Variants in ANK1 observed in about 807,000 individuals in gnomAD.
ANK1 encodes the protein ankyrin 1, also known as ankyrin-1.
A neutral mutation model predicts 210.4 loss-of-function variants in ANK1; 51 were observed. The ratio of observed to expected loss-of-function variants is 0.24; its 90% CI spans 0.19 to 0.31. The LOEUF is 0.31. Ranked by LOEUF, ANK1 falls within the 10% of genes least tolerant of loss-of-function variation. The pLI is 1.00. For synonymous variants in ANK1, 967 were observed against 1,025.9 expected, an observed-to-expected ratio of 0.94 and a Z score of 1.10; for missense variants, 2,051 against 2,504.4, an observed-to-expected ratio of 0.82 and a Z score of 3.86.
At chr8:41,748,733 C>A (rs1253980411) in intron 2 of ANK1, among the ~76,000 whole-genome samples, 1 of 152,132 alleles carries the variant, frequency 6.6e-6, no homozygotes, top group Non-Finnish European at 1.5e-5. Flanking sequence ...TAGAACAGCT[C>A]AAAAAATATT....
intron 23 of ANK1, among the ~76,000 whole-genome samples, 179 bp downstream of exon 23, chr8:41,699,273 C>T (rs541963712): frequency 3.9e-5 from 6 of 152,248 alleles, no homozygotes; most frequent in Non-Finnish European, 7.4e-5. Context: ...GGGAGGCCTC[C>T]GCCTGCCCTA....
intron 2 of ANK1, among the ~76,000 whole-genome samples, chr8:41,739,539 T>TTTTTTTTTTG (rs1834223050): frequency 8.7e-6 from 1 of 114,458 alleles, no homozygotes; most frequent in Non-Finnish European, 1.8e-5. Flanking sequence ...TTTTTTTTTT[T>TTTTTTTTTTG]GGTGTGTGAT....
At chr8:41,757,478 T>C (rs1417024041) in intron 2 of ANK1, among the ~76,000 whole-genome samples, 1 of 152,176 alleles carries the variant, frequency 6.6e-6, no homozygotes, top group Non-Finnish European at 1.5e-5. Context: ...CCAAACACAT[T>C]TTGTTTCCTC....
chr8:41,703,443 T>TATATATATATATATATATATAC (rs1563491887), intron 20 of ANK1, among the ~76,000 whole-genome samples: 16 of 71,268 alleles, frequency 2.2e-4, no homozygotes, highest in Non-Finnish European at 3.6e-4. Flanking sequence ...TATATATATA[T>TATATATATATATATATATATAC]ATATATATTT....
At chr8:41,691,488 G>A (rs1349488527) in intron 31 of ANK1, among the ~76,000 whole-genome samples, 1 of 152,146 alleles carries the variant, frequency 6.6e-6, no homozygotes, top group East Asian at 1.9e-4. Flanking sequence ...GCCTTCCCCA[G>A]GAAAACTCAG....
chr8:41,792,342 C>T (rs1490110903), intron 1 of ANK1, among the ~76,000 whole-genome samples: 3 of 152,206 alleles, frequency 2.0e-5, no homozygotes, highest in Admixed American at 6.5e-5. Flanking sequence ...GGGTGTCAGG[C>T]TGTAACCACC....
chr8:41,726,326 T>G (rs930358975), intron 5 of ANK1, among the ~76,000 whole-genome samples: 75 of 152,164 alleles, frequency 4.9e-4, no homozygotes, highest in African/African-American at 1.8e-3. Context: ...AGAACATTAC[T>G]AACACCGACC....
At chr8:41,798,772 TG>T (rs566330754), upstream of ANK1, among the ~76,000 whole-genome samples, 17 of 152,222 alleles carry the variant, frequency 1.1e-4, no homozygotes, top group East Asian at 3.3e-3. Flanking sequence ...GTGTCACCGC[TG>T]GGGGCCTCTG....
intron 1 of ANK1, among the ~76,000 whole-genome samples, chr8:41,873,963 A>C (rs1816068521): frequency 6.6e-6 from 1 of 152,210 alleles, no homozygotes; most frequent in South Asian, 2.1e-4. Flanking sequence ...CCCTACACAC[A>C]CAAACGCACA....
intron 1 of ANK1, among the ~76,000 whole-genome samples, chr8:41,805,612 G>C (rs1417826567): frequency 2.0e-5 from 3 of 152,096 alleles, no homozygotes; most frequent in Non-Finnish European, 4.4e-5. Context: ...AATTAAAACT[G>C]AGAGTTTCTA....
chr8:41,767,500 C>G (rs1240207913), intron 1 of ANK1, among the ~76,000 whole-genome samples: 1 of 151,136 alleles, frequency 6.6e-6, no homozygotes, highest in African/African-American at 2.4e-5. Flanking sequence ...CAGGCGCCCT[C>G]CACTCGCCCC....
At chr8:41,821,037 A>G (rs1804178620) in intron 1 of ANK1, among the ~76,000 whole-genome samples, 1 of 152,202 alleles carries the variant, frequency 6.6e-6, no homozygotes, top group African/African-American at 2.4e-5. Flanking sequence ...TCCTTTACAG[A>G]TGCAAATTTC....
At chr8:41,751,553 G>A (rs1471207832) in intron 2 of ANK1, among the ~76,000 whole-genome samples, 1 of 152,216 alleles carries the variant, frequency 6.6e-6, no homozygotes, top group African/African-American at 2.4e-5. Flanking sequence ...GGCTGCTCTA[G>A]CTGGAAGAAT....
chr8:41,677,404 T>C (rs913044818), intron 37 of ANK1, among the ~76,000 whole-genome samples: 1 of 152,162 alleles, frequency 6.6e-6, no homozygotes, highest in African/African-American at 2.4e-5. Context: ...TTTAATTTAC[T>C]CTTCTTTTTC....
chr8:41,703,459 T>G (rs1823607224), intron 20 of ANK1, among the ~76,000 whole-genome samples: 1 of 131,708 alleles, frequency 7.6e-6, no homozygotes, highest in African/African-American at 3.0e-5. Flanking sequence ...TATTTTTTTT[T>G]TTTTTTTAAG....
At chr8:41,717,532 G>T (rs1364101288) in intron 12 of ANK1, 72 bp downstream of exon 12, 2 of 1,344,264 alleles carry the variant, frequency 1.5e-6, no homozygotes, top group Non-Finnish European at 2.1e-6. Flanking sequence ...AGTAGGACTG[G>T]GAGCACTGGT....
chr8:41,739,490 C>G (rs999266827), intron 2 of ANK1, among the ~76,000 whole-genome samples: 2 of 144,826 alleles, frequency 1.4e-5, no homozygotes, highest in South Asian at 2.3e-4. Flanking sequence ...ATTGCTTTGT[C>G]TCTCGACAAT....
Position 41,788,673 on chromosome 8 carries a change from C to G in ANK1, c.27+8839G>C, listed in dbSNP as rs1474596361. Among the ~76,000 whole-genome samples, 5 of 152,282 alleles carry G rather than the reference C, an allele frequency of 3.3e-5. No individual in the cohort carries two copies. The South Asian group carries it at 1.0e-3, about 32-fold the overall frequency. The stretch of plus-strand genomic sequence containing the variant: ...GTCGCTACTCAAGAATGTTCATGAT[C>G]TTCCAATCCCCTCGATTTAGGACCT... On this transcript the variant is annotated intron_variant, in intron 1 of 42. Transcript: ENST00000289734.
At chr8:41,876,216 A>T (rs764748416) in intron 1 of ANK1, among the ~76,000 whole-genome samples, 1 of 152,154 alleles carries the variant, frequency 6.6e-6, no homozygotes, top group Non-Finnish European at 1.5e-5. Context: ...CCTCACCAGC[A>T]CGTGGGGCGC....
Sources: allele counts gnomAD v4.1 joint callset (sites outside exome capture counted in the v4.1 genomes callset), GRCh38; gene constraint gnomAD v4.1.1; transcripts MANE v1.5; gene names NCBI Gene and HGNC (gene_info 2026-07-23, HGNC 2026-07-21).